Variants in CCSER1 observed in about 807,000 individuals in gnomAD.
CCSER1 encodes coiled-coil serine rich protein 1.
A neutral mutation model predicts 82.0 loss-of-function variants in CCSER1; 41 were observed. That is an observed-to-expected ratio of 0.50 (90% CI 0.39 to 0.65). The LOEUF is 0.65. CCSER1 is among the 30% of genes least tolerant of loss of function. The pLI is 0.00. For synonymous variants in CCSER1, 414 were observed against 383.9 expected, an observed-to-expected ratio of 1.08 and a Z score of -0.92; for missense variants, 1,119 against 1,064.2, an observed-to-expected ratio of 1.05 and a Z score of -0.72.
intron 8 of CCSER1, among the ~76,000 whole-genome samples, chr4:90,877,854 T>C (rs1359894303): frequency 6.6e-6 from 1 of 152,136 alleles, no homozygotes; most frequent in African/African-American, 2.4e-5. Flanking sequence ...TTTCAAGTAG[T>C]CTTTCTTTAG....
chr4:90,913,556 A>G (rs977696873), intron 8 of CCSER1, among the ~76,000 whole-genome samples: 2 of 152,228 alleles, frequency 1.3e-5, no homozygotes, highest in Non-Finnish European at 2.9e-5. Flanking sequence ...TGTAAAGACA[A>G]TCGAGGCTAG....
At chr4:90,262,573 T>C (rs1390008373) in intron 1 of CCSER1, among the ~76,000 whole-genome samples, 1 of 152,192 alleles carries the variant, frequency 6.6e-6, no homozygotes, top group Non-Finnish European at 1.5e-5. Flanking sequence ...CAATAGAGGA[T>C]GTATCTCCGG....
At chr4:90,646,541 C>CA (rs113518200) in intron 6 of CCSER1, among the ~76,000 whole-genome samples, 55 of 152,126 alleles carry the variant, frequency 3.6e-4, no homozygotes, top group African/African-American at 1.3e-3. Flanking sequence ...CCCAACCTTG[C>CA]AAAAAAATAC....
intron 10 of CCSER1, among the ~76,000 whole-genome samples, chr4:91,582,760 G>A (rs2110317880): frequency 6.6e-6 from 1 of 151,142 alleles, no homozygotes; most frequent in African/African-American, 2.4e-5. Context: ...ATCTCTGATG[G>A]GATTATTTAC....
At chr4:90,453,997 A>G (rs1407397258) in intron 4 of CCSER1, among the ~76,000 whole-genome samples, 1 of 152,076 alleles carries the variant, frequency 6.6e-6, no homozygotes, top group African/African-American at 2.4e-5. Flanking sequence ...ACCACTTGAG[A>G]GACTAGCTCT....
At chr4:90,502,545 A>C (rs574589662) in intron 5 of CCSER1, among the ~76,000 whole-genome samples, 73 of 152,262 alleles carry the variant, frequency 4.8e-4, no homozygotes, top group African/African-American at 1.8e-3. Flanking sequence ...AGAGGATCTA[A>C]GCAAATATTC....
At chr4:91,089,515 A>G (rs1485654817) in intron 10 of CCSER1, among the ~76,000 whole-genome samples, 1 of 152,170 alleles carries the variant, frequency 6.6e-6, no homozygotes, top group Non-Finnish European at 1.5e-5. Flanking sequence ...ACTCTCACTC[A>G]TTTTATTAGT....
chr4:91,078,188 T>G lies in CCSER1; in HGVS notation c.2173-7762T>G, dbSNP rs1482078016. Among the ~76,000 whole-genome samples, 3 of 152,112 alleles carry G rather than the reference T, an allele frequency of 2.0e-5. No homozygotes were observed. The South Asian group carries it at 6.2e-4, about 32-fold the overall frequency. On this transcript the variant is annotated intron_variant, in intron 9 of 10. Transcript: ENST00000509176. The stretch of plus-strand genomic sequence containing the variant: ...CTGAGTAGCCTAAATAGGAGACACC[T>G]CCCAGTAGGGGCCTACTAACACCTC...
intron 10 of CCSER1, among the ~76,000 whole-genome samples, chr4:91,556,463 C>T (rs1248853243): frequency 6.6e-6 from 1 of 150,674 alleles, no homozygotes; most frequent in East Asian, 1.9e-4. Flanking sequence ...GTGCAGCACA[C>T]CCACATGGCA....
intron 7 of CCSER1, among the ~76,000 whole-genome samples, chr4:90,796,256 T>C (rs894550799): frequency 2.0e-5 from 3 of 152,128 alleles, no homozygotes; most frequent in Admixed American, 2.0e-4. Context: ...TCATTTTTTC[T>C]AGATTTTCTA....
chr4:90,484,524 T>A (rs1438845030), intron 5 of CCSER1, among the ~76,000 whole-genome samples: 1 of 152,216 alleles, frequency 6.6e-6, no homozygotes, highest in Non-Finnish European at 1.5e-5. Context: ...TGGTCTTTGA[T>A]GATGGTGACA....
chr4:91,165,245 C>T (rs1305284250), intron 10 of CCSER1, among the ~76,000 whole-genome samples: 6 of 152,194 alleles, frequency 3.9e-5, no homozygotes, highest in Admixed American at 3.9e-4. Context: ...CCCTGTTTGC[C>T]TGGGTATGAC....
chr4:91,071,712 A>G (rs564449373), intron 9 of CCSER1, among the ~76,000 whole-genome samples: 1 of 152,304 alleles, frequency 6.6e-6, no homozygotes, highest in Admixed American at 6.5e-5. Context: ...GATTGATTCA[A>G]TAAGCTTAGT....
chr4:91,415,681 T>C (rs1432401889), intron 10 of CCSER1, among the ~76,000 whole-genome samples: 1 of 152,158 alleles, frequency 6.6e-6, no homozygotes, highest in African/African-American at 2.4e-5. Flanking sequence ...ATGGTTTCTG[T>C]ATTTATTTCG....
At chr4:91,030,432 T>C (rs908943619) in intron 9 of CCSER1, among the ~76,000 whole-genome samples, 5 of 152,086 alleles carry the variant, frequency 3.3e-5, no homozygotes, top group Non-Finnish European at 7.4e-5. Flanking sequence ...TGTTTTAATT[T>C]AAATCTAACT....
intron 1 of CCSER1, among the ~76,000 whole-genome samples, chr4:90,215,162 G>A (rs1701545397): frequency 6.6e-6 from 1 of 152,156 alleles, no homozygotes; most frequent in Non-Finnish European, 1.5e-5. Context: ...GCTATATAAA[G>A]ATTCTCCTAA....
At chr4:91,454,915 G>A (rs1354214345) in intron 10 of CCSER1, among the ~76,000 whole-genome samples, 2 of 151,672 alleles carry the variant, frequency 1.3e-5, no homozygotes, top group African/African-American at 4.8e-5. Flanking sequence ...AGTTATATTT[G>A]TCACCAGTGG....
chr4:91,245,932 G>T (rs574837314), intron 10 of CCSER1, among the ~76,000 whole-genome samples: 5 of 152,276 alleles, frequency 3.3e-5, no homozygotes, highest in African/African-American at 9.6e-5. Context: ...CCAACCTCAG[G>T]TGATCCACCC....
intron 3 of CCSER1, among the ~76,000 whole-genome samples, chr4:90,386,465 G>A (rs1412392940): frequency 2.6e-5 from 4 of 152,056 alleles, no homozygotes; most frequent in Admixed American, 2.6e-4. Flanking sequence ...AATGAAACTG[G>A]ATCCCTATCA....
Sources: gnomAD v4.1 joint callset for allele counts (sites outside exome capture counted in the v4.1 genomes callset) on GRCh38, gnomAD v4.1.1 for gene constraint, MANE v1.5 for transcripts, NCBI Gene and HGNC (gene_info 2026-07-23, HGNC 2026-07-21) for gene names.